EXOC4: variants seen among roughly 807,000 people sequenced by gnomAD.
The protein encoded by EXOC4 is exocyst complex component 4, also known as SEC8-like 1.
In EXOC4, 71 loss-of-function variants were observed where a neutral mutation model predicts 107.2. The observed-to-expected ratio is 0.66, with a 90% CI of 0.55 to 0.81. The LOEUF is 0.81. Among genes scored for constraint, EXOC4 ranks in the 30% least tolerant of loss-of-function variants. The pLI, the probability that EXOC4 is intolerant of heterozygous loss-of-function variation, is 0.00. For missense variants in EXOC4, 1,108 were observed against 1,189.6 expected, an observed-to-expected ratio of 0.93 and a Z score of 1.01; for synonymous variants, 456 against 441.2, an observed-to-expected ratio of 1.03 and a Z score of -0.42.
chr7:133,993,083 C>G (rs1365317465), intron 14 of EXOC4, among the ~76,000 whole-genome samples: 2 of 152,098 alleles, frequency 1.3e-5, no homozygotes, highest in African/African-American at 4.8e-5. Context: ...ACCATCTTTT[C>G]ATCCCTGGGA....
chr7:134,019,280 A>C (rs1311876152), intron 17 of EXOC4, among the ~76,000 whole-genome samples: 4 of 152,164 alleles, frequency 2.6e-5, no homozygotes, highest in African/African-American at 9.7e-5. Context: ...TAGGTTACCA[A>C]GAAATAGTTT....
At chr7:133,635,667 T>G (rs1802690327) in intron 10 of EXOC4, among the ~76,000 whole-genome samples, 1 of 152,014 alleles carries the variant, frequency 6.6e-6, no homozygotes, top group Admixed American at 6.5e-5. Flanking sequence ...GTTAAACAGG[T>G]GGAATTGTCA....
chr7:133,944,926 A>G (rs1028929125), intron 14 of EXOC4, among the ~76,000 whole-genome samples: 1 of 152,190 alleles, frequency 6.6e-6, no homozygotes, highest in Admixed American at 6.5e-5. Flanking sequence ...GAGTTTAACT[A>G]AATTTCTTCA....
intron 7 of EXOC4, among the ~76,000 whole-genome samples, chr7:133,437,523 A>G (rs537041283): frequency 1.1e-4 from 17 of 152,366 alleles, no homozygotes; most frequent in South Asian, 6.2e-4. Context: ...TGGATGGGAA[A>G]ACAGTGCTAT....
rs193212159 is a variant in EXOC4 at position 133,977,698 on chromosome 7, T to C, written c.2207-19794T>C. ...TGTTGTTGTGGTTTATTTGTTTGTT[T>C]TTGTGTGTGTGGTTTTTTGTTTGAG... On this transcript the variant is annotated intron_variant, in intron 14 of 17. Transcript: ENST00000253861. Among the ~76,000 whole-genome samples the C allele has an allele frequency of 2.6e-4, 39 of 151,804 alleles. No individual in the cohort carries two copies. The East Asian group carries it at 6.8e-3, about 27-fold the overall frequency.
chr7:133,484,231 T>C lies in EXOC4; in HGVS notation c.1417+4093T>C, dbSNP rs919360441. Reference sequence around the variant, plus strand: ...CTTTGGTGTTATCAATGCATCTCAATAGGCTCTAACTGTTATGGTACAGAT... The same window carrying C: ...CTTTGGTGTTATCAATGCATCTCAACAGGCTCTAACTGTTATGGTACAGAT... On this transcript the variant is annotated intron_variant, in intron 9 of 17. Transcript: ENST00000253861. 3.5e-5 allele frequency: 50 copies of C among 1,432,358 alleles called. No individual in the cohort carries two copies. The African/African-American group carries it at 7.2e-4, about 21-fold the overall frequency. The allele number at this position is 1,432,358 out of a possible 1,614,324, so 88.7% of individuals were successfully genotyped here.
intron 11 of EXOC4, among the ~76,000 whole-genome samples, chr7:133,820,313 G>A (rs1322214324): frequency 6.6e-6 from 1 of 151,692 alleles, no homozygotes; most frequent in Non-Finnish European, 1.5e-5. Context: ...CAAGGAGATG[G>A]TTATTTTTTT....
intron 10 of EXOC4, among the ~76,000 whole-genome samples, chr7:133,802,399 T>C (rs1796966099): frequency 6.6e-6 from 1 of 152,220 alleles, no homozygotes; most frequent in African/African-American, 2.4e-5. Flanking sequence ...TTGGCATTCC[T>C]AGCTTCTAGG....
chr7:133,263,689 T>C (rs1318906677), intron 1 of EXOC4, among the ~76,000 whole-genome samples: 1 of 152,144 alleles, frequency 6.6e-6, no homozygotes, highest in Non-Finnish European at 1.5e-5. Context: ...ATTTGACAGA[T>C]CTTTTAATTT....
intron 9 of EXOC4, among the ~76,000 whole-genome samples, chr7:133,508,278 C>G (rs1338973739): frequency 6.6e-6 from 1 of 152,084 alleles, no homozygotes; most frequent in Non-Finnish European, 1.5e-5. Flanking sequence ...GCCTGGAGGT[C>G]TTGTGAACAC....
At chr7:133,919,434 C>T (rs945196540) in intron 13 of EXOC4, among the ~76,000 whole-genome samples, 5 of 152,096 alleles carry the variant, frequency 3.3e-5, no homozygotes, top group Non-Finnish European at 5.9e-5. Context: ...CTAAATATAT[C>T]GGTTTTGACA....
At chr7:133,421,758 T>G (rs1797612240) in intron 7 of EXOC4, among the ~76,000 whole-genome samples, 1 of 152,228 alleles carries the variant, frequency 6.6e-6, no homozygotes, top group Admixed American at 6.5e-5. Context: ...AAGTGTGTAC[T>G]TAAAAATTTT....
At chr7:133,562,882 C>T (rs1431086421) in intron 9 of EXOC4, among the ~76,000 whole-genome samples, 1 of 152,156 alleles carries the variant, frequency 6.6e-6, no homozygotes, top group Non-Finnish European at 1.5e-5. Context: ...GCTAGCCCTG[C>T]TGTGGCCAAA....
chr7:133,914,148 C>T (rs1420954680), intron 12 of EXOC4, among the ~76,000 whole-genome samples: 2 of 151,916 alleles, frequency 1.3e-5, no homozygotes, highest in Non-Finnish European at 2.9e-5. Flanking sequence ...AAGTTTGGTG[C>T]GAATAGATTT....
intron 3 of EXOC4, among the ~76,000 whole-genome samples, chr7:133,297,140 T>C (rs1794537822): frequency 6.6e-6 from 1 of 152,252 alleles, no homozygotes; most frequent in African/African-American, 2.4e-5. Context: ...GAAGTTGCTT[T>C]GTGGCCATAC....
At chr7:133,526,921 G>T (rs1012405380) in intron 9 of EXOC4, among the ~76,000 whole-genome samples, 1 of 152,060 alleles carries the variant, frequency 6.6e-6, no homozygotes, top group Non-Finnish European at 1.5e-5. Flanking sequence ...GCAGTGAGCC[G>T]AGATTGCGCT....
chr7:133,587,981 T>C (rs1367053487), intron 9 of EXOC4, among the ~76,000 whole-genome samples: 3 of 152,238 alleles, frequency 2.0e-5, no homozygotes, highest in African/African-American at 7.2e-5. Flanking sequence ...GTGCCTGAGC[T>C]CTAAGCAAAG....
At chr7:133,641,689 C>G (rs12666470) in intron 10 of EXOC4, among the ~76,000 whole-genome samples, 1 of 152,162 alleles carries the variant, frequency 6.6e-6, no homozygotes, top group Non-Finnish European at 1.5e-5. Flanking sequence ...CCATCAATAT[C>G]TTTTTTGCAT....
chr7:133,716,333 A>G (rs1794997799), intron 10 of EXOC4, among the ~76,000 whole-genome samples: 1 of 152,240 alleles, frequency 6.6e-6, no homozygotes. Flanking sequence ...GGCTTGTTAT[A>G]GAGCTGAAAT....
Sources: gnomAD v4.1 joint callset for allele counts (sites outside exome capture counted in the v4.1 genomes callset) on GRCh38, gnomAD v4.1.1 for gene constraint, MANE v1.5 for transcripts, NCBI Gene and HGNC (gene_info 2026-07-23, HGNC 2026-07-21) for gene names.